CFAP61: variants seen among roughly 807,000 people sequenced by gnomAD.
CFAP61 encodes cilia- and flagella-associated protein 61.
Under a neutral mutation model 135.6 loss-of-function variants are expected in CFAP61, and 107 were observed. That is an observed-to-expected ratio of 0.79 (90% CI 0.67 to 0.93). The LOEUF (loss-of-function observed/expected upper bound fraction) is 0.93. Among genes scored for constraint, CFAP61 ranks in the 40% least tolerant of loss-of-function variants. CFAP61 has a pLI of 0.00. For missense variants in CFAP61, 1,507 were observed against 1,556.2 expected, an observed-to-expected ratio of 0.97 and a Z score of 0.53; for synonymous variants, 575 against 578.5, an observed-to-expected ratio of 0.99 and a Z score of 0.09.
At chr20:20,085,824 G>A (rs1165680402) in intron 6 of CFAP61, among the ~76,000 whole-genome samples, 5 of 152,140 alleles carry the variant, frequency 3.3e-5, no homozygotes, top group Non-Finnish European at 7.4e-5. Flanking sequence ...TGGATTTGTT[G>A]ACTACTCTCT....
chr20:20,142,993 TG>T (rs766520247), intron 9 of CFAP61, 45 bp downstream of exon 9: 2 of 1,195,420 alleles, frequency 1.7e-6, no homozygotes, highest in African/African-American at 1.5e-5. Context: ...GGGATGGGCC[TG>T]GGGGCTACCT....
chr20:20,195,588 A>T (rs1458558859), intron 15 of CFAP61, among the ~76,000 whole-genome samples: 1 of 150,930 alleles, frequency 6.6e-6, no homozygotes, highest in Non-Finnish European at 1.5e-5. Flanking sequence ...CAGAGGGGGG[A>T]CCAGAACTGG....
At chr20:20,348,659 C>T (rs2058717552) in intron 26 of CFAP61, among the ~76,000 whole-genome samples, 1 of 119,240 alleles carries the variant, frequency 8.4e-6, no homozygotes, top group African/African-American at 3.3e-5. Flanking sequence ...CACTGCACTA[C>T]AGCCTGGGCA....
chr20:20,170,771 A>G (rs182856389), intron 13 of CFAP61, among the ~76,000 whole-genome samples: 77 of 152,374 alleles, frequency 5.1e-4, no homozygotes, highest in Non-Finnish European at 9.0e-4. Context: ...TTAGTACATT[A>G]TGATGACGAC....
At chr20:20,251,524 C>A in intron 19 of CFAP61, 71 bp from the exon 20 acceptor site, 1 of 1,487,862 alleles carries the variant, frequency 6.7e-7, no homozygotes. Context: ...CTTGAACCAG[C>A]TCACCAGATG....
rs116284682 is a variant in CFAP61 at position 20,253,578 on chromosome 20, A to G, written c.2328+1815A>G. 2.7e-3 allele frequency: 1,331 copies of G among 493,608 alleles called. 19 individuals are homozygous for G. The highest frequency in any genetic ancestry group is 0.024 in the African/African-American group (1,217 of 51,038). 30.6% of individuals were successfully genotyped at this position (493,608 alleles called of 1,614,324 possible). ...TGACTCTGCATTTTTAAGCATGTGC[A>G]GCAAACATTCAGCACTCTTTTTGGG... On this transcript the variant is annotated intron_variant, in intron 20 of 26. Transcript: ENST00000245957.
chr20:20,056,879 A>G (rs899666735), intron 2 of CFAP61, 83 bp downstream of exon 2: 1 of 1,250,676 alleles, frequency 8.0e-7, no homozygotes, highest in Non-Finnish European at 1.1e-6. Flanking sequence ...GCACTTTGAG[A>G]GGCCAAGGCA....
intron 21 of CFAP61, among the ~76,000 whole-genome samples, chr20:20,276,269 CAG>C (rs1028843825): frequency 2.6e-5 from 4 of 152,108 alleles, no homozygotes; most frequent in Admixed American, 2.6e-4. Context: ...AGGAGAAAAA[CAG>C]AGAGACATTC....
intron 15 of CFAP61, among the ~76,000 whole-genome samples, chr20:20,194,334 T>G (rs1269289783): frequency 1.3e-5 from 2 of 152,218 alleles, no homozygotes; most frequent in African/African-American, 4.8e-5. Context: ...AGTATTCTAT[T>G]GGAATCTTTA....
At chr20:20,108,971 A>T (rs544016160) in intron 8 of CFAP61, among the ~76,000 whole-genome samples, 1 of 152,354 alleles carries the variant, frequency 6.6e-6, no homozygotes, top group Admixed American at 6.5e-5. Context: ...CCAGTCCAGG[A>T]TAACAAACTG....
Position 20,246,201 on chromosome 20 carries a change from AT to A in CFAP61, c.2150del (p.Leu717Ter). On this transcript the variant is annotated frameshift_variant, in exon 19 of 27. Transcript: ENST00000245957. LOFTEE classifies it high-confidence loss of function. ...AACTTCTGGACACTGAACAAAGGAAATTTTTAGCCAGCGAGTATGAATTGTA... is the reference window on the plus strand; with the variant it reads ...AACTTCTGGACACTGAACAAAGGAAATTTTAGCCAGCGAGTATGAATTGTA... ...KKLLDTEQRK[F>X]LASDHCFNDK... The A allele has an allele frequency of 1.9e-6, 3 of 1,610,472 alleles. No individual in the cohort carries two copies. Among genetic ancestry groups the A allele is most frequent in the Non-Finnish European group, 2.5e-6 (3 of 1,176,700 alleles).
intron 8 of CFAP61, among the ~76,000 whole-genome samples, chr20:20,113,389 CA>C (rs2048928972): frequency 6.6e-6 from 1 of 152,146 alleles, no homozygotes. Context: ...TATCTTTTAT[CA>C]ATACAAAATA....
At chr20:20,179,923 G>T (rs756142484) in intron 13 of CFAP61, among the ~76,000 whole-genome samples, 20 of 152,070 alleles carry the variant, frequency 1.3e-4, no homozygotes, top group Non-Finnish European at 2.9e-5. Flanking sequence ...TAAAAACCCT[G>T]GAAGACAACC....
chr20:20,118,253 G>GTTTCCTTC (rs2049301384), intron 8 of CFAP61, among the ~76,000 whole-genome samples: 1 of 138,532 alleles, frequency 7.2e-6, no homozygotes, highest in South Asian at 2.4e-4. Context: ...TTTGAGGTAT[G>GTTTCCTTC]TTTCTTTCTT....
intron 13 of CFAP61, among the ~76,000 whole-genome samples, chr20:20,184,015 G>A (rs1011185901): frequency 2.6e-5 from 4 of 152,312 alleles, no homozygotes; most frequent in Non-Finnish European, 5.9e-5. Context: ...CTGGTGAAAC[G>A]ATGTTTGCAG....
chr20:20,329,540 T>G (rs367593645), intron 25 of CFAP61, among the ~76,000 whole-genome samples: 1 of 152,236 alleles, frequency 6.6e-6, no homozygotes, highest in East Asian at 1.9e-4. Flanking sequence ...CTGTCCAGTG[T>G]AGCCTCAACA....
intron 16 of CFAP61, among the ~76,000 whole-genome samples, chr20:20,198,075 G>C (rs539697228): frequency 6.6e-6 from 1 of 152,314 alleles, no homozygotes; most frequent in East Asian, 1.9e-4. Context: ...GGGGAAGAAA[G>C]AAGAAAAACA....
intron 13 of CFAP61, among the ~76,000 whole-genome samples, chr20:20,176,586 C>T (rs1427123259): frequency 6.6e-6 from 1 of 152,144 alleles, no homozygotes; most frequent in African/African-American, 2.4e-5. Flanking sequence ...AGCCATTATC[C>T]TCAGCAAACT....
chr20:20,310,665 C>G (rs1043547776), intron 25 of CFAP61, among the ~76,000 whole-genome samples: 14 of 152,236 alleles, frequency 9.2e-5, no homozygotes, highest in African/African-American at 3.1e-4. Context: ...CTCCGCAGAC[C>G]TAGCCAATCT....
Sources: allele counts gnomAD v4.1 joint callset (sites outside exome capture counted in the v4.1 genomes callset), GRCh38; gene constraint gnomAD v4.1.1; transcripts MANE v1.5; gene names NCBI Gene and HGNC (gene_info 2026-07-23, HGNC 2026-07-21).